ZFAND3: variants seen among roughly 807,000 people sequenced by gnomAD.
ZFAND3 encodes the protein AN1-type zinc finger protein 3.
ZFAND3 carries 10 observed loss-of-function variants against 29.6 expected under a neutral mutation model. The ratio of observed to expected loss-of-function variants is 0.34; its 90% confidence interval spans 0.21 to 0.57. The LOEUF (loss-of-function observed/expected upper bound fraction) is 0.57. Ranked by LOEUF, ZFAND3 falls within the 20% of genes least tolerant of loss-of-function variation. The pLI is 0.86. For synonymous variants in ZFAND3, 128 were observed against 112.6 expected, an observed-to-expected ratio of 1.14 and a Z score of -0.87; for missense variants, 230 against 304.5, an observed-to-expected ratio of 0.76 and a Z score of 1.82.
intron 2 of ZFAND3, chr6:38,003,798 G>C (rs752090813): frequency 1.1e-5 from 5 of 450,896 alleles, no homozygotes; most frequent in Non-Finnish European, 2.2e-5. Flanking sequence ...GAGCTACAGT[G>C]CCTGGCTAGT....
At chr6:37,852,091 G>T (rs1442814086) in intron 1 of ZFAND3, among the ~76,000 whole-genome samples, 1 of 152,158 alleles carries the variant, frequency 6.6e-6, no homozygotes, top group Non-Finnish European at 1.5e-5. Flanking sequence ...TTATATTCTA[G>T]CTGTAACAAA....
At chr6:38,030,735 A>G (rs1421446025) in intron 2 of ZFAND3, among the ~76,000 whole-genome samples, 3 of 152,166 alleles carry the variant, frequency 2.0e-5, no homozygotes, top group African/African-American at 7.2e-5. Context: ...ACAAAAACCA[A>G]GGGAGTCTAT....
At chr6:38,062,756 C>G (rs1484195420) in intron 3 of ZFAND3, 1 of 151,198 alleles carries the variant, frequency 6.6e-6, no homozygotes, top group African/African-American at 2.5e-5. Flanking sequence ...AGATATACAT[C>G]TCTTTTAGGG....
chr6:37,909,465 A>T (rs1445940454), intron 1 of ZFAND3, among the ~76,000 whole-genome samples: 2 of 151,658 alleles, frequency 1.3e-5, no homozygotes, highest in African/African-American at 4.8e-5. Context: ...TTTTTAGTAG[A>T]GTCGGGGTTT....
intron 1 of ZFAND3, among the ~76,000 whole-genome samples, chr6:37,903,411 A>G (rs1034582204): frequency 6.6e-6 from 1 of 152,180 alleles, no homozygotes; most frequent in Non-Finnish European, 1.5e-5. Flanking sequence ...AGATTACCAC[A>G]TTGGTTTTCT....
chr6:37,954,874 G>T (rs1426630333), intron 2 of ZFAND3, among the ~76,000 whole-genome samples: 1 of 152,200 alleles, frequency 6.6e-6, no homozygotes, highest in East Asian at 1.9e-4. Context: ...ACTCAACAGT[G>T]TCCCATGAAT....
At position 37,966,248 on chromosome 6, in the gene ZFAND3, A is replaced by G. The variant is rs769179407; in HGVS notation, c.112+36249A>G. ...GAAATAGTAACTGTGATTGATGACT[A>G]AAAGTCTATACAAATGCTAGAATGT... On this transcript the variant is annotated intron_variant, in intron 2 of 5. Transcript: ENST00000287218. Among the ~76,000 whole-genome samples, 5 of 152,206 alleles carry G rather than the reference A, an allele frequency of 3.3e-5. No homozygotes were observed. In the South Asian group the frequency reaches 8.3e-4, roughly 25 times the overall value.
chr6:38,051,383 C>T (rs1183239420), intron 2 of ZFAND3, among the ~76,000 whole-genome samples: 1 of 152,152 alleles, frequency 6.6e-6, no homozygotes, highest in East Asian at 1.9e-4. Context: ...TTCTACTTTT[C>T]TATTCTGTTG....
chr6:37,885,609 A>C (rs1764975984), intron 1 of ZFAND3, among the ~76,000 whole-genome samples: 1 of 152,148 alleles, frequency 6.6e-6, no homozygotes, highest in East Asian at 1.9e-4. Context: ...GTGCCACTGC[A>C]CTCTAGCCTG....
rs536904507 is a variant in ZFAND3 at position 38,054,434 on chromosome 6, C to T, written c.113-7159C>T. Among the ~76,000 whole-genome samples, 210 of 149,836 alleles carry T rather than the reference C, an allele frequency of 1.4e-3. 5 individuals carry two copies. Among genetic ancestry groups the T allele is most frequent in the Non-Finnish European group, 5.0e-4 (34 of 67,526 alleles). On this transcript the variant is annotated intron_variant, in intron 2 of 5. Transcript: ENST00000287218. ...AAAAAACAAGGAAGCACACAAAAAC[C>T]GTGCAGTGTTATTCAGTCTGTCTAT...
intron 2 of ZFAND3, among the ~76,000 whole-genome samples, chr6:38,046,869 C>T (rs1763913652): frequency 6.6e-6 from 1 of 152,110 alleles, no homozygotes; most frequent in Non-Finnish European, 1.5e-5. Context: ...TTCATACACT[C>T]AGATTTTTAT....
At chr6:38,093,749 C>T (rs1764918371) in intron 4 of ZFAND3, among the ~76,000 whole-genome samples, 1 of 151,926 alleles carries the variant, frequency 6.6e-6, no homozygotes, top group Non-Finnish European at 1.5e-5. Context: ...TTAAAGAGGG[C>T]CTTGATAACA....
intron 5 of ZFAND3, chr6:38,142,453 CTG>C (rs1418087873): frequency 7.0e-6 from 3 of 429,284 alleles, no homozygotes; most frequent in Non-Finnish European, 1.4e-5. Flanking sequence ...TGGGCCCAGG[CTG>C]TGTCTTCAGC....
chr6:38,065,669 A>G (rs1194009391), intron 3 of ZFAND3, among the ~76,000 whole-genome samples: 2 of 152,214 alleles, frequency 1.3e-5, no homozygotes, highest in Non-Finnish European at 2.9e-5. Context: ...TTATAGAGCT[A>G]TTGCAAGGCA....
At chr6:37,939,394 T>A (rs13192458) in intron 2 of ZFAND3, among the ~76,000 whole-genome samples, 1 of 152,222 alleles carries the variant, frequency 6.6e-6, no homozygotes, top group Admixed American at 6.5e-5. Context: ...TTCCCTCTTC[T>A]GTCTCCTCTA....
chr6:37,938,436 C>T (rs1761742677), intron 2 of ZFAND3, among the ~76,000 whole-genome samples: 2 of 152,174 alleles, frequency 1.3e-5, no homozygotes, highest in Non-Finnish European at 2.9e-5. Flanking sequence ...ATCTAGTCCC[C>T]TGTAGAGGGA....
intron 1 of ZFAND3, among the ~76,000 whole-genome samples, chr6:37,906,268 G>A (rs755717292): frequency 6.6e-6 from 1 of 152,052 alleles, no homozygotes; most frequent in Non-Finnish European, 1.5e-5. Flanking sequence ...TGTTTATTCA[G>A]TCTCTTTCAT....
At chr6:38,042,569 C>G (rs1323215259) in intron 2 of ZFAND3, among the ~76,000 whole-genome samples, 1 of 152,166 alleles carries the variant, frequency 6.6e-6, no homozygotes, top group Non-Finnish European at 1.5e-5. Context: ...CTGCCTCAGC[C>G]TCCCAAAGTG....
At chr6:38,007,107 G>A (rs1297102741) in intron 2 of ZFAND3, among the ~76,000 whole-genome samples, 3 of 152,080 alleles carry the variant, frequency 2.0e-5, no homozygotes, top group African/African-American at 7.2e-5. Flanking sequence ...TATTCATTTG[G>A]ACATTTAAAA....
Sources: allele counts gnomAD v4.1 joint callset (sites outside exome capture counted in the v4.1 genomes callset), GRCh38; gene constraint gnomAD v4.1.1; transcripts MANE v1.5; gene names NCBI Gene and HGNC (gene_info 2026-07-23, HGNC 2026-07-21).